Variants in SPAG16 observed in about 807,000 individuals in gnomAD.
SPAG16 encodes the protein sperm associated antigen 16, also known as sperm-associated antigen 16 protein.
In SPAG16, 86 loss-of-function variants were observed where a neutral mutation model predicts 80.4. The observed-to-expected ratio is 1.07, with a 90% CI of 0.90 to 1.28. The LOEUF is 1.28. Among genes scored for constraint, SPAG16 ranks in the 50% most tolerant of loss-of-function variants. The pLI is 0.00. For missense variants in SPAG16, 870 were observed against 765.3 expected (o/e 1.14, Z -1.61); for synonymous variants, 294 against 265.9 (o/e 1.11, Z -1.03).
At chr2:213,467,441 G>A (rs1231062922) in intron 9 of SPAG16, among the ~76,000 whole-genome samples, 1 of 152,160 alleles carries the variant, frequency 6.6e-6, no homozygotes, top group Non-Finnish European at 1.5e-5. Context: ...TTGGCCTCCT[G>A]GCATGATTTA....
At chr2:213,540,106 C>T (rs2076388364) in intron 10 of SPAG16, among the ~76,000 whole-genome samples, 1 of 144,814 alleles carries the variant, frequency 6.9e-6, no homozygotes, top group South Asian at 2.2e-4. Context: ...CCGATCTTGG[C>T]TCACTGCAAG....
intron 13 of SPAG16, among the ~76,000 whole-genome samples, chr2:214,050,785 A>G (rs951436128): frequency 2.6e-5 from 4 of 151,976 alleles, no homozygotes; most frequent in Non-Finnish European, 5.9e-5. Flanking sequence ...TCACCAGACT[A>G]TTTCTTCTCC....
At chr2:213,617,024 G>A (rs2061618462) in intron 10 of SPAG16, among the ~76,000 whole-genome samples, 1 of 152,176 alleles carries the variant, frequency 6.6e-6, no homozygotes, top group African/African-American at 2.4e-5. Flanking sequence ...CAGGTCATGT[G>A]TTGGTCCCGT....
chr2:214,302,989 CACTTT>C (rs1694668363), intron 15 of SPAG16, among the ~76,000 whole-genome samples: 1 of 152,184 alleles, frequency 6.6e-6, no homozygotes, highest in East Asian at 1.9e-4. Flanking sequence ...CTTTTTCTAC[CACTTT>C]ACTTTAAGAC....
intron 12 of SPAG16, among the ~76,000 whole-genome samples, chr2:213,997,452 TAA>T: frequency 1.3e-5 from 2 of 152,340 alleles, no homozygotes; most frequent in Admixed American, 1.3e-4. Context: ...TCATTTTGTA[TAA>T]AGTCATTTCT....
intron 15 of SPAG16, among the ~76,000 whole-genome samples, chr2:214,151,069 C>CA (rs2055951304): frequency 6.6e-6 from 1 of 152,048 alleles, no homozygotes; most frequent in South Asian, 2.1e-4. Context: ...AATATGATTT[C>CA]AACCTGACCT....
At chr2:214,224,021 A>T (rs35721062) in intron 15 of SPAG16, among the ~76,000 whole-genome samples, 1 of 152,212 alleles carries the variant, frequency 6.6e-6, no homozygotes, top group Non-Finnish European at 1.5e-5. Flanking sequence ...AAGCTGTTCA[A>T]TAGGGACAGA....
chr2:214,371,400 C>T (rs532816599), intron 15 of SPAG16, among the ~76,000 whole-genome samples: 5 of 151,464 alleles, frequency 3.3e-5, no homozygotes, highest in South Asian at 2.1e-4. Flanking sequence ...GGCATGGTGG[C>T]GCAGGCCTGT....
chr2:214,051,375 A>C (rs990682434), intron 13 of SPAG16, among the ~76,000 whole-genome samples: 3 of 152,228 alleles, frequency 2.0e-5, no homozygotes, highest in African/African-American at 7.2e-5. Context: ...CTAATGCTTC[A>C]CATTAGGAAT....
intron 13 of SPAG16, among the ~76,000 whole-genome samples, chr2:214,067,467 C>A (rs2050584498): frequency 6.6e-6 from 1 of 151,724 alleles, no homozygotes. Context: ...TGCATAAAGC[C>A]AAAATATGTG....
intron 15 of SPAG16, among the ~76,000 whole-genome samples, chr2:214,205,430 G>C (rs552919017): frequency 6.6e-6 from 1 of 152,156 alleles, no homozygotes; most frequent in African/African-American, 2.4e-5. Flanking sequence ...AAAATCATAA[G>C]ATCCTGAAAA....
chr2:213,402,879 A>G (rs767317884), intron 9 of SPAG16, among the ~76,000 whole-genome samples: 1 of 152,206 alleles, frequency 6.6e-6, no homozygotes, highest in African/African-American at 2.4e-5. Context: ...TAGTGCCGCA[A>G]TAAACATAAT....
intron 1 of SPAG16, among the ~76,000 whole-genome samples, chr2:213,288,293 T>G (rs2062132229): frequency 6.6e-6 from 1 of 152,148 alleles, no homozygotes; most frequent in Non-Finnish European, 1.5e-5. Context: ...TAATTAAAAT[T>G]GAAGTTTTCC....
At chr2:213,821,365 T>C (rs1248927381) in intron 10 of SPAG16, among the ~76,000 whole-genome samples, 1 of 152,122 alleles carries the variant, frequency 6.6e-6, no homozygotes, top group Admixed American at 6.6e-5. Flanking sequence ...AATTTTAAAA[T>C]TTTATTTTTT....
chr2:214,345,738 C>T (rs1698008337), intron 15 of SPAG16, among the ~76,000 whole-genome samples: 1 of 152,126 alleles, frequency 6.6e-6, no homozygotes, highest in Non-Finnish European at 1.5e-5. Context: ...ACTATGCTGA[C>T]TGATAACACC....
intron 9 of SPAG16, among the ~76,000 whole-genome samples, chr2:213,457,389 C>T (rs975983734): frequency 2.6e-5 from 4 of 152,156 alleles, no homozygotes; most frequent in African/African-American, 7.2e-5. Context: ...GCAGACTGTT[C>T]TGAAGTTCTA....
intron 10 of SPAG16, among the ~76,000 whole-genome samples, chr2:213,681,524 C>G (rs994547779): frequency 6.6e-6 from 1 of 152,068 alleles, no homozygotes. Flanking sequence ...ATCTCTTTTG[C>G]CATTGTTGCA....
At chr2:214,283,800 AATTCCTTTCTCATCTGT>A (rs1693144597) in intron 15 of SPAG16, among the ~76,000 whole-genome samples, 1 of 152,202 alleles carries the variant, frequency 6.6e-6, no homozygotes, top group Non-Finnish European at 1.5e-5. Flanking sequence ...ATATTCAGCC[AATTCCTTTCTCATCTGT>A]GATAGTTCTA....
At chr2:213,739,404 A>T (rs2067436960) in intron 10 of SPAG16, among the ~76,000 whole-genome samples, 2 of 152,198 alleles carry the variant, frequency 1.3e-5, no homozygotes. Context: ...GTTACCTTTG[A>T]AAAAGTTCTT....
Sources: allele counts gnomAD v4.1 joint callset (sites outside exome capture counted in the v4.1 genomes callset), GRCh38; gene constraint gnomAD v4.1.1; transcripts MANE v1.5; gene names NCBI Gene and HGNC (gene_info 2026-07-23, HGNC 2026-07-21).